The following MBNL2 variants were observed in gnomAD, a reference collection of about 807,000 sequenced individuals.
MBNL2 encodes muscleblind-like protein 2.
A neutral mutation model predicts 41.9 loss-of-function variants in MBNL2; 17 were observed. The ratio of observed to expected loss-of-function variants is 0.41; its 90% CI spans 0.28 to 0.61. The LOEUF is 0.61. MBNL2 is among the 20% of genes least tolerant of loss of function. The pLI, the probability that MBNL2 is intolerant of heterozygous loss-of-function variation, is 0.35. For synonymous variants in MBNL2, 195 were observed against 182.9 expected, an observed-to-expected ratio of 1.07 and a Z score of -0.53; for missense variants, 336 against 505.6, an observed-to-expected ratio of 0.66 and a Z score of 3.22.
At chr13:97,214,256 G>A in the MBNL2 span, among the ~76,000 whole-genome samples, 1 of 152,100 alleles carries the variant, frequency 6.6e-6, no homozygotes, top group Non-Finnish European at 1.5e-5. Context: ...TTGACTTTTC[G>A]ACTCTTTCCT....
the MBNL2 span, among the ~76,000 whole-genome samples, chr13:97,198,424 G>A: frequency 6.6e-6 from 1 of 151,220 alleles, no homozygotes; most frequent in Non-Finnish European, 1.5e-5. Context: ...CTTGGGACTT[G>A]CCAACCACAT....
At chr13:97,236,125 C>T (rs935111624) in intron 1 of MBNL2, among the ~76,000 whole-genome samples, 2 of 152,062 alleles carry the variant, frequency 1.3e-5, no homozygotes, top group Admixed American at 6.5e-5. Context: ...CTGCATTTAC[C>T]GACTTATTTC....
intron 2 of MBNL2, among the ~76,000 whole-genome samples, chr13:97,281,185 CAGAT>C (rs1223851012): frequency 2.0e-5 from 3 of 152,188 alleles, no homozygotes; most frequent in Admixed American, 6.5e-5. Context: ...TCAAGCCTCT[CAGAT>C]AGGGCTGCTG....
the MBNL2 span, among the ~76,000 whole-genome samples, chr13:97,163,073 C>A: frequency 6.6e-6 from 1 of 152,126 alleles, no homozygotes; most frequent in African/African-American, 2.4e-5. Context: ...CCACTCTCAA[C>A]AACACCAACA....
At chr13:97,199,566 A>T in the MBNL2 span, among the ~76,000 whole-genome samples, 3 of 152,366 alleles carry the variant, frequency 2.0e-5, no homozygotes, top group East Asian at 5.8e-4. Context: ...TGTAATTGCT[A>T]TACAAGACAT....
chr13:97,236,439 C>T (rs571673604), intron 1 of MBNL2, among the ~76,000 whole-genome samples: 10 of 151,560 alleles, frequency 6.6e-5, no homozygotes, highest in South Asian at 2.1e-4. Flanking sequence ...TATTTTATTT[C>T]TTCATCTGGG....
the MBNL2 span, among the ~76,000 whole-genome samples, chr13:97,144,119 C>T: frequency 5.9e-5 from 9 of 152,208 alleles, no homozygotes; most frequent in Non-Finnish European, 1.2e-4. Context: ...ACTAGGATTA[C>T]GGGCATGAGC....
chr13:97,153,731 G>A, the MBNL2 span, among the ~76,000 whole-genome samples: 3 of 152,124 alleles, frequency 2.0e-5, no homozygotes, highest in Non-Finnish European at 4.4e-5. Context: ...TTAAAGCACT[G>A]CACCCAGCCC....
Position 97,364,176 on chromosome 13 carries a change from G to A in MBNL2, c.1013-960G>A, listed in dbSNP as rs908149923. 2.9e-4 allele frequency among the ~76,000 whole-genome samples: 44 copies of A among 152,064 alleles called. 1 individual carries two copies. Among genetic ancestry groups the A allele is most frequent in the Admixed American group, 1.4e-3 (21 of 15,256 alleles). ...AGTCATGATGCGTGTATGTTATTAT[G>A]ACCACCACAAGTAAGACAGCTATTT... On this transcript the variant is annotated intron_variant, in intron 7 of 8. Coordinates refer to ENST00000679496, the MANE Select transcript of MBNL2 (RefSeq NM_001382683.1).
intron 8 of MBNL2, among the ~76,000 whole-genome samples, chr13:97,375,411 A>G (rs2064868647): frequency 6.6e-6 from 1 of 152,232 alleles, no homozygotes; most frequent in South Asian, 2.1e-4. Flanking sequence ...AGTAAGCGCC[A>G]TGGCATGGCC....
chr13:97,306,326 T>G (rs2058120296), intron 2 of MBNL2, among the ~76,000 whole-genome samples: 1 of 152,226 alleles, frequency 6.6e-6, no homozygotes, highest in Non-Finnish European at 1.5e-5. Flanking sequence ...ATTGCCACAT[T>G]CATTGATCAT....
chr13:97,342,196 C>T (rs1339362412), intron 3 of MBNL2, among the ~76,000 whole-genome samples: 1 of 152,150 alleles, frequency 6.6e-6, no homozygotes, highest in Non-Finnish European at 1.5e-5. Context: ...TTAGGTGGAG[C>T]TTTTAAAAAT....
Position 97,365,308 on chromosome 13 carries a change from T to C in MBNL2, c.1048+137T>C, listed in dbSNP as rs890510894. On this transcript the variant is annotated intron_variant, in intron 8 of 8. Transcript: ENST00000679496. ...CTTATTTGGCTTTAGAGTTAACATA[T>C]AGGTTTTTAAAAATGTACTTGTATA... is the stretch of plus-strand genomic sequence containing the variant. The C allele has an allele frequency of 1.5e-5, 10 of 679,498 alleles. No individual in the cohort carries two copies. The Admixed American group carries it at 1.5e-4, about 10-fold the overall frequency. 42.1% of individuals were successfully genotyped at this position (679,498 alleles called of 1,614,324 possible). A position where few individuals can be genotyped will look rare whatever the true frequency, so the allele number is the denominator to read the frequency against.
chr13:97,241,689 C>T (rs1474332224), intron 1 of MBNL2, among the ~76,000 whole-genome samples: 1 of 152,192 alleles, frequency 6.6e-6, no homozygotes, highest in Non-Finnish European at 1.5e-5. Flanking sequence ...ACATTGCACA[C>T]ACGCACGTGT....
chr13:97,154,541 C>G, the MBNL2 span, among the ~76,000 whole-genome samples: 2 of 152,076 alleles, frequency 1.3e-5, no homozygotes, highest in South Asian at 2.1e-4. Flanking sequence ...GTCTTGAACT[C>G]CTAGCCTGAA....
Position 97,386,450 on chromosome 13 carries a change from C to G in MBNL2, c.1049-4872C>G, listed in dbSNP as rs2065929637. Among the ~76,000 whole-genome samples the G allele has an allele frequency of 3.9e-5, 6 of 152,320 alleles. No individual in the cohort carries two copies. The South Asian group carries it at 1.0e-3, about 26-fold the overall frequency. On this transcript the variant is annotated intron_variant, in intron 8 of 8. Coordinates refer to ENST00000679496, the MANE Select transcript of MBNL2 (RefSeq NM_001382683.1). ...CCATGTTTCCGCAGGTAGCACTTGG[C>G]TGGGGCTGAGTGGCTGTTGCCACAC... is the stretch of plus-strand genomic sequence containing the variant.
In MBNL2 at chr13:97,366,407, C is replaced by A; in HGVS notation, c.1048+1236C>A. On this transcript the variant is annotated intron_variant, in intron 8 of 8. Coordinates refer to ENST00000679496, the MANE Select transcript of MBNL2 (RefSeq NM_001382683.1). This position sits in a 1 kb window ranked among gnomAD's most constrained non-coding sequence, Gnocchi z 4.7. ...CCATGCCAAAATACCACTTCTATTACCATAATGCTACACCCTCCTGTTCAT... is the reference window on the plus strand; with the variant it reads ...CCATGCCAAAATACCACTTCTATTAACATAATGCTACACCCTCCTGTTCAT... 1 of 867,254 alleles carries A rather than the reference C, an allele frequency of 1.2e-6. No homozygotes were observed. Among genetic ancestry groups the A allele is most frequent in the Non-Finnish European group, 1.9e-6 (1 of 514,244 alleles). 53.7% of individuals were successfully genotyped at this position (867,254 alleles called of 1,614,324 possible).
chr13:97,323,122 A>G (rs1216653515), intron 2 of MBNL2, among the ~76,000 whole-genome samples: 1 of 152,220 alleles, frequency 6.6e-6, no homozygotes, highest in Non-Finnish European at 1.5e-5. Context: ...CTGTGCAGGA[A>G]CACACCCACA....
chr13:97,359,757 AG>A (rs2063261697), intron 7 of MBNL2, among the ~76,000 whole-genome samples: 1 of 152,190 alleles, frequency 6.6e-6, no homozygotes, highest in African/African-American at 2.4e-5. Context: ...AGTGACTAGA[AG>A]GGTTTCCATT....
Sources: gnomAD v4.1 joint callset for allele counts (sites outside exome capture counted in the v4.1 genomes callset) on GRCh38, gnomAD v4.1.1 for gene constraint, Gnocchi (gnomAD v3.1) non-coding constraint, MANE v1.5 for transcripts, NCBI Gene and HGNC (gene_info 2026-07-23, HGNC 2026-07-21) for gene names.